Variants in CUX1 observed in about 807,000 individuals in gnomAD.
CUX1 encodes the protein protein CASP.
Under a neutral mutation model 158.8 loss-of-function variants are expected in CUX1, and 31 were observed. The observed-to-expected ratio is 0.20, with a 90% CI of 0.15 to 0.26. The LOEUF (loss-of-function observed/expected upper bound fraction) is 0.26. Among genes scored for constraint, CUX1 ranks in the 10% least tolerant of loss-of-function variants. The pLI, the probability that CUX1 is intolerant of heterozygous loss-of-function variation, is 1.00. For synonymous variants in CUX1, 879 were observed against 862.1 expected, an observed-to-expected ratio of 1.02 and a Z score of -0.34; for missense variants, 1,589 against 2,014.6, an observed-to-expected ratio of 0.79 and a Z score of 4.04.
At chr7:102,192,724 G>T (rs1324740704) in intron 12 of CUX1, among the ~76,000 whole-genome samples, 3 of 152,140 alleles carry the variant, frequency 2.0e-5, no homozygotes, top group Non-Finnish European at 4.4e-5. Flanking sequence ...GCGAAGGTCC[G>T]GTTGACTCTG....
At chr7:102,168,819 A>C (rs1554509530) in intron 9 of CUX1, among the ~76,000 whole-genome samples, 1 of 151,568 alleles carries the variant, frequency 6.6e-6, no homozygotes, top group African/African-American at 2.4e-5. Flanking sequence ...TTTCTCAGCC[A>C]TTGTTAGCCA....
At chr7:101,926,826 A>G (rs1351603653) in intron 2 of CUX1, among the ~76,000 whole-genome samples, 1 of 152,166 alleles carries the variant, frequency 6.6e-6, no homozygotes, top group African/African-American at 2.4e-5. Context: ...AGATGCACAG[A>G]GCATATAGTA....
chr7:102,060,601 A>G (rs1300479756), intron 3 of CUX1, among the ~76,000 whole-genome samples: 2 of 77,376 alleles, frequency 2.6e-5, no homozygotes, highest in African/African-American at 1.0e-4. Flanking sequence ...ATACACACAC[A>G]CAAATAAACA....
chr7:102,252,002 A>G lies in CUX1; in HGVS notation c.*2960A>G. 1.0e-6 allele frequency: 1 copy of G among 985,388 alleles called. No individual in the cohort carries two copies. Among genetic ancestry groups the G allele is most frequent in the Non-Finnish European group, 1.2e-6 (1 of 829,906 alleles). The allele number at this position is 985,388 out of a possible 1,614,324, so 61.0% of individuals were successfully genotyped here. ...TTCTGTTTTTACTTCTTAGATTTTT[A>G]ACTAGGTTACTGTTGGTTCCCATTC... On this transcript the variant is annotated 3_prime_UTR_variant, in exon 24 of 24. Transcript: ENST00000292535.
At chr7:102,279,897 C>A in intron 18 of CUX1, 1 of 641,530 alleles carries the variant, frequency 1.6e-6, no homozygotes, top group Non-Finnish European at 2.8e-6. Flanking sequence ...AGCACCCTCT[C>A]CTCCCGCCTC....
chr7:102,019,968 T>C (rs1243507005), intron 2 of CUX1, among the ~76,000 whole-genome samples: 1 of 152,244 alleles, frequency 6.6e-6, no homozygotes, highest in Non-Finnish European at 1.5e-5. Context: ...ATTTCTTTTA[T>C]TTCAGAAAAT....
At chr7:102,195,811 A>T (rs1794744788) in intron 14 of CUX1, among the ~76,000 whole-genome samples, 1 of 152,000 alleles carries the variant, frequency 6.6e-6, no homozygotes, top group African/African-American at 2.4e-5. Flanking sequence ...GGATGTCGAG[A>T]CGGGCCAGCC....
intron 11 of CUX1, among the ~76,000 whole-genome samples, chr7:102,185,901 G>A (rs1468370964): frequency 6.6e-6 from 1 of 152,106 alleles, no homozygotes; most frequent in Admixed American, 6.5e-5. Flanking sequence ...CTTTCTTTGG[G>A]TAGTCAGACC....
rs774677157 is a variant in CUX1, at chr7:102,065,486, G to A, written c.190-4853G>A. 4.2e-4 allele frequency among the ~76,000 whole-genome samples: 64 copies of A among 152,188 alleles called. 1 individual carries two copies. Among genetic ancestry groups the A allele is most frequent in the Non-Finnish European group, 1.2e-4 (8 of 68,036 alleles). On this transcript the variant is annotated intron_variant, in intron 3 of 23. Transcript: ENST00000292535. ...TGGGATTACAGGCCTGAGCCACTGC[G>A]CCCAGCCTTGAGGCCCATTCTTGTC...
At chr7:102,240,925 A>G (rs1292698113) in intron 23 of CUX1, among the ~76,000 whole-genome samples, 1 of 150,442 alleles carries the variant, frequency 6.6e-6, no homozygotes, top group African/African-American at 2.4e-5. Context: ...GGTTCAAGCG[A>G]CTCTCCTGCC....
intron 8 of CUX1, among the ~76,000 whole-genome samples, chr7:102,120,902 A>G (rs1831960861): frequency 6.6e-6 from 1 of 152,084 alleles, no homozygotes; most frequent in South Asian, 2.1e-4. Flanking sequence ...CACCTCTACC[A>G]AAAAATACAA....
At chr7:101,878,569 G>A (rs1329992244) in intron 1 of CUX1, among the ~76,000 whole-genome samples, 1 of 152,076 alleles carries the variant, frequency 6.6e-6, no homozygotes, top group African/African-American at 2.4e-5. Context: ...GTTCAAAGCA[G>A]TGCAATTTCC....
intron 1 of CUX1, among the ~76,000 whole-genome samples, chr7:101,873,674 C>G (rs1798824908): frequency 6.6e-6 from 1 of 152,154 alleles, no homozygotes; most frequent in African/African-American, 2.4e-5. Flanking sequence ...ACCTCCACTT[C>G]CCGAGTTCAA....
At chr7:102,235,102 C>T (rs782413256) in intron 22 of CUX1, among the ~76,000 whole-genome samples, 9 of 152,236 alleles carry the variant, frequency 5.9e-5, no homozygotes, top group Admixed American at 3.9e-4. Context: ...ACCCCACGTG[C>T]ACCCACATGT....
intron 8 of CUX1, among the ~76,000 whole-genome samples, chr7:102,135,844 G>A (rs372143064): frequency 3.8e-4 from 57 of 151,824 alleles, no homozygotes; most frequent in African/African-American, 1.1e-3. Context: ...GTGTGGTGGC[G>A]CGTGCCTATA....
chr7:102,204,169 A>G (rs1374313092), intron 18 of CUX1, among the ~76,000 whole-genome samples: 1 of 152,176 alleles, frequency 6.6e-6, no homozygotes, highest in Admixed American at 6.5e-5. Context: ...GGCTGTAACC[A>G]TGGCTCACCC....
intron 14 of CUX1, among the ~76,000 whole-genome samples, chr7:102,268,247 C>T (rs1790949873): frequency 6.6e-6 from 1 of 152,222 alleles, no homozygotes; most frequent in Non-Finnish European, 1.5e-5. Flanking sequence ...ATTCCACACA[C>T]TCTATGCTTC....
intron 8 of CUX1, among the ~76,000 whole-genome samples, chr7:102,133,464 CA>C (rs1833546198): frequency 7.4e-6 from 1 of 135,718 alleles, no homozygotes; most frequent in Non-Finnish European, 1.6e-5. Context: ...GAAAAAAATA[CA>C]TCTTTTTTTT....
chr7:102,145,843 A>T (rs954071932), intron 8 of CUX1, among the ~76,000 whole-genome samples: 2 of 152,142 alleles, frequency 1.3e-5, no homozygotes, highest in African/African-American at 4.8e-5. Context: ...GCTACTCATG[A>T]GACTGAGGGA....
Sources: gnomAD v4.1 joint callset for allele counts (sites outside exome capture counted in the v4.1 genomes callset) on GRCh38, gnomAD v4.1.1 for gene constraint, MANE v1.5 for transcripts, NCBI Gene and HGNC (gene_info 2026-07-23, HGNC 2026-07-21) for gene names.